Variants in HTR4 observed in about 807,000 individuals in gnomAD.
HTR4 encodes 5-hydroxytryptamine (serotonin) receptor 4, G protein-coupled.
In HTR4, 16 loss-of-function variants were observed where a neutral mutation model predicts 36.8. That is an observed-to-expected ratio of 0.43 (90% confidence interval 0.29 to 0.66). The LOEUF (loss-of-function observed/expected upper bound fraction) is 0.66, where lower values mean the gene tolerates loss of function less well. Among genes scored for constraint, HTR4 ranks in the 30% least tolerant of loss-of-function variants. The probability of loss-of-function intolerance (pLI) is 0.13; values close to 1 mark genes in which losing one functional copy is unlikely to be tolerated. For synonymous variants in HTR4, 189 were observed against 185.1 expected, an observed-to-expected ratio of 1.02 and a Z score of -0.17; for missense variants, 438 against 490.9, an observed-to-expected ratio of 0.89 and a Z score of 1.02.
chr5:148,511,342 C>G (rs1757488353), intron 5 of HTR4, among the ~76,000 whole-genome samples: 1 of 152,046 alleles, frequency 6.6e-6, no homozygotes, highest in African/African-American at 2.4e-5. Context: ...ATTAATATGC[C>G]CAAACATAGC....
Position 148,548,759 on chromosome 5 carries a change from A to G in HTR4, c.262T>C (p.Tyr88His), listed in dbSNP as rs763732838. 3.1e-6 allele frequency: 5 copies of G among 1,613,886 alleles called. No individual in the cohort carries two copies. In the Admixed American group the frequency reaches 5.0e-5, roughly 16 times the overall value. The change falls in exon 4 of 7, where the codon TAT becomes CAT. Residue 88 changes from tyrosine to histidine, a missense_variant. Coordinates refer to ENST00000377888, the MANE Select transcript of HTR4 (RefSeq NM_000870.7). The stretch of plus-strand genomic sequence containing the variant: ...CGAACAAGACAAAACACCTCCCCAT[A>G]AATCCAGATGTCTTGAACCAGCTCA... ...AIELVQDIWI[Y>H]GEVFCLVRTS...
chr5:148,505,661 C>T (rs1757161279), intron 6 of HTR4, among the ~76,000 whole-genome samples: 1 of 152,156 alleles, frequency 6.6e-6, no homozygotes, highest in Non-Finnish European at 1.5e-5. Context: ...AGCTGATAGG[C>T]AACTTCAGCA....
At chr5:148,457,887 A>C in intron 5 of HTR4, among the ~76,000 whole-genome samples, 1 of 137,414 alleles carries the variant, frequency 7.3e-6, no homozygotes, top group Non-Finnish European at 1.5e-5. Flanking sequence ...AAAATATTAA[A>C]ATATATTATA....
chr5:148,573,216 C>A (rs1760749590), intron 2 of HTR4, among the ~76,000 whole-genome samples: 1 of 152,026 alleles, frequency 6.6e-6, no homozygotes, highest in Non-Finnish European at 1.5e-5. Flanking sequence ...AACTACAATT[C>A]AATTGTATAG....
At chr5:148,522,541 C>T (rs1758070987) in intron 5 of HTR4, among the ~76,000 whole-genome samples, 1 of 152,170 alleles carries the variant, frequency 6.6e-6, no homozygotes, top group Admixed American at 6.5e-5. Context: ...ATTTAGCATA[C>T]TCTCTGGCAT....
At chr5:148,530,426 G>C (rs536721246) in intron 4 of HTR4, among the ~76,000 whole-genome samples, 99 of 152,308 alleles carry the variant, frequency 6.5e-4, no homozygotes, top group African/African-American at 2.4e-3. Flanking sequence ...AGCCAACATA[G>C]AGCTCAGGCC....
At chr5:148,612,274 G>T (rs1038829962) in intron 2 of HTR4, among the ~76,000 whole-genome samples, 1 of 150,944 alleles carries the variant, frequency 6.6e-6, no homozygotes, top group South Asian at 2.1e-4. Context: ...CCACATACTT[G>T]GAAGTAAAGC....
At position 148,509,499 on chromosome 5, in the gene HTR4, G is replaced by C. The variant is rs199564629; in HGVS notation, c.1033C>G (p.Pro345Ala). 1.9e-6 allele frequency: 3 copies of C among 1,612,978 alleles called. No individual in the cohort carries two copies. The highest frequency in any genetic ancestry group is 1.7e-5 in the Admixed American group (1 of 59,906). ...CCATTAATGGTTGTGGTTGAACAAG[G>C]GACAGTCTGGCCCAGAATGGAAGGT... ...RRPSILGQTV[P>A]CSTTTINGST... The change falls in exon 6 of 7, where the codon CCT becomes GCT. Residue 345 changes from proline to alanine, a missense_variant. Transcript: ENST00000377888.
At chr5:148,492,908 G>A (rs537931651) in intron 6 of HTR4, among the ~76,000 whole-genome samples, 10 of 152,230 alleles carry the variant, frequency 6.6e-5, no homozygotes, top group South Asian at 2.1e-4. Flanking sequence ...ACCAGTGGTC[G>A]CCTTCCACCA....
chr5:148,539,146 A>G (rs1327422121), intron 4 of HTR4, among the ~76,000 whole-genome samples: 2 of 152,202 alleles, frequency 1.3e-5, no homozygotes, highest in African/African-American at 4.8e-5. Flanking sequence ...TATTCAATAA[A>G]TGGTGCTGGG....
intron 6 of HTR4, chr5:148,490,647 C>T: frequency 8.5e-7 from 1 of 1,177,006 alleles, no homozygotes; most frequent in Non-Finnish European, 1.1e-6. Flanking sequence ...CTTCCAGTTA[C>T]TGATATTCGG....
Position 148,483,045 on chromosome 5 carries a change from A to T in HTR4, c.*158T>A. 2 of 1,459,848 alleles carry T rather than the reference A, an allele frequency of 1.4e-6. No individual in the cohort carries two copies. The highest frequency in any genetic ancestry group is 1.8e-6 in the Non-Finnish European group (2 of 1,101,986). 90.4% of individuals were successfully genotyped at this position (1,459,848 alleles called of 1,614,324 possible). ...ACTCCCTCCAGCGCCACCTGCTGGA[A>T]TCTCAGAGGAAAAGCCCAGCGAGCA... On this transcript the variant is annotated 3_prime_UTR_variant, in exon 7 of 7. Transcript: ENST00000377888.
chr5:148,496,647 C>T (rs962828696), intron 6 of HTR4, among the ~76,000 whole-genome samples: 2 of 152,248 alleles, frequency 1.3e-5, no homozygotes, highest in Non-Finnish European at 2.9e-5. Context: ...TCAGGAAAAC[C>T]TTTCAAGCTC....
chr5:148,451,849 C>T (rs757438332), intron 5 of HTR4, among the ~76,000 whole-genome samples: 1 of 152,126 alleles, frequency 6.6e-6, no homozygotes, highest in African/African-American at 2.4e-5. Flanking sequence ...ATTTTTCTGC[C>T]GTATCATACA....
intron 5 of HTR4, among the ~76,000 whole-genome samples, chr5:148,518,438 C>T (rs940082058): frequency 6.6e-6 from 1 of 152,074 alleles, no homozygotes; most frequent in African/African-American, 2.4e-5. Flanking sequence ...AATTTCTCAC[C>T]ACCTCAAATT....
rs1302633332 is a variant in HTR4 at position 148,509,833 on chromosome 5, T to A, written c.699A>T (p.Gly233=). Residue 233 remains glycine, a synonymous_variant, in exon 6 of 7, where the codon GGA becomes GGT. Transcript: ENST00000377888. The part of the protein sequence containing the change: ...AHQIQMLQRA[G]ASSESRPQSA... Reference sequence around the variant, plus strand: ...ACTGAGGCCTGCTCTCGGAGGAGGCTCCTGCCCGTTGTAACATCTGGATCT... The same window carrying A: ...ACTGAGGCCTGCTCTCGGAGGAGGCACCTGCCCGTTGTAACATCTGGATCT... 38 of 1,613,960 alleles carry A rather than the reference T, an allele frequency of 2.4e-5. No individual in the cohort carries two copies. Among genetic ancestry groups the A allele is most frequent in the Non-Finnish European group, 3.1e-5 (37 of 1,179,980 alleles).
chr5:148,526,250 C>T (rs928961549), intron 4 of HTR4, among the ~76,000 whole-genome samples: 1 of 152,172 alleles, frequency 6.6e-6, no homozygotes, highest in Non-Finnish European at 1.5e-5. Flanking sequence ...GAAAAGTATA[C>T]CACTTCACAC....
intron 4 of HTR4, among the ~76,000 whole-genome samples, chr5:148,531,303 G>A (rs766035155): frequency 7.9e-5 from 12 of 152,088 alleles, no homozygotes; most frequent in Non-Finnish European, 1.6e-4. Flanking sequence ...GGAGAAACCC[G>A]GTTGGAGGTG....
chr5:148,498,229 G>A (rs1756771333), intron 6 of HTR4, among the ~76,000 whole-genome samples: 1 of 152,150 alleles, frequency 6.6e-6, no homozygotes, highest in Non-Finnish European at 1.5e-5. Flanking sequence ...GGCCAGGCTT[G>A]GCTGTTTCTA....
Sources: gnomAD v4.1 joint callset for allele counts (sites outside exome capture counted in the v4.1 genomes callset) on GRCh38, gnomAD v4.1.1 for gene constraint, MANE v1.5 for transcripts, NCBI Gene and HGNC (gene_info 2026-07-23, HGNC 2026-07-21) for gene names.